GSE1: variants seen among roughly 807,000 people sequenced by gnomAD.
The protein encoded by GSE1 is Gse1 coiled-coil protein.
In GSE1, 32 loss-of-function variants were observed where a neutral mutation model predicts 112.6. The observed-to-expected ratio is 0.28, with a 90% CI of 0.21 to 0.38. The LOEUF (loss-of-function observed/expected upper bound fraction) is 0.38, where lower values mean the gene tolerates loss of function less well. Among genes scored for constraint, GSE1 ranks in the 10% least tolerant of loss-of-function variants. GSE1 has a pLI of 1.00. For synonymous variants in GSE1, 1,115 were observed against 735.6 expected, an observed-to-expected ratio of 1.52 and a Z score of -8.35; for missense variants, 2,348 against 1,699.2, an observed-to-expected ratio of 1.38 and a Z score of -6.71.
intron 1 of GSE1, among the ~76,000 whole-genome samples, chr16:85,585,485 C>T (rs775237766): frequency 6.8e-6 from 1 of 146,194 alleles, no homozygotes; most frequent in African/African-American, 2.8e-5. Flanking sequence ...TCCTCTGTGT[C>T]GCCTACGTTT....
At position 85,400,361 on chromosome 16, in the gene GSE1, G is replaced by T. The variant is rs1271379296; in HGVS notation, c.2464+42718G>T. On this transcript the variant is annotated intron_variant, in intron 2 of 2. Coordinates refer to the GSE1 transcript ENST00000637419. ...TGTGTGTCGTGTTTCTGTGTACTGT[G>T]TGTGCTTTCGTGTATGTCTGTATGT... Among the ~76,000 whole-genome samples, 3 of 151,918 alleles carry T rather than the reference G, an allele frequency of 2.0e-5. No individual in the cohort carries two copies. In the East Asian group the frequency reaches 5.8e-4, roughly 29 times the overall value.
intron 8 of GSE1, among the ~76,000 whole-genome samples, chr16:85,660,624 G>C (rs1199820417): frequency 6.6e-6 from 1 of 151,962 alleles, no homozygotes; most frequent in Admixed American, 6.6e-5. Flanking sequence ...GGGTGACAGA[G>C]TGAGTCTTTT....
chr16:85,505,714 C>T (rs999655904), intron 2 of GSE1, among the ~76,000 whole-genome samples: 3 of 152,066 alleles, frequency 2.0e-5, no homozygotes, highest in African/African-American at 7.2e-5. Flanking sequence ...ACTCTGCCTC[C>T]CTGGAATTAA....
chr16:85,664,475 T>C (rs1359162570), intron 11 of GSE1: 2 of 152,432 alleles, frequency 1.3e-5, no homozygotes, highest in African/African-American at 4.8e-5. Context: ...AAGCATCTTT[T>C]TCCCTGAATT....
intron 2 of GSE1, among the ~76,000 whole-genome samples, chr16:85,522,985 A>G (rs2052238484): frequency 1.3e-5 from 2 of 151,612 alleles, no homozygotes; most frequent in Admixed American, 6.6e-5. Context: ...ATGATTGTGC[A>G]TTGTGTATGA....
chr16:85,542,742 G>A (rs1050823412), intron 2 of GSE1, among the ~76,000 whole-genome samples: 2 of 152,238 alleles, frequency 1.3e-5, no homozygotes, highest in African/African-American at 4.8e-5. Context: ...CACCTGGTTT[G>A]TGGGTGGCCC....
At chr16:85,568,679 C>G (rs908870220) in intron 1 of GSE1, among the ~76,000 whole-genome samples, 32 of 152,314 alleles carry the variant, frequency 2.1e-4, no homozygotes, top group Admixed American at 8.5e-4. Context: ...TTGGGAAACC[C>G]TTCCCCATTC....
At chr16:85,306,882 A>G (rs1487441838) in intron 1 of GSE1, among the ~76,000 whole-genome samples, 2 of 152,254 alleles carry the variant, frequency 1.3e-5, no homozygotes, top group Admixed American at 6.5e-5. Context: ...GAACCTGTTC[A>G]TAAAAGGCGG....
intron 1 of GSE1, among the ~76,000 whole-genome samples, chr16:85,591,802 C>T (rs563554220): frequency 1.3e-5 from 2 of 152,230 alleles, no homozygotes; most frequent in Admixed American, 1.3e-4. Flanking sequence ...GCTAGGAATT[C>T]ATCACCAACA....
At chr16:85,545,779 T>A (rs558350517) in intron 2 of GSE1, among the ~76,000 whole-genome samples, 2 of 152,190 alleles carry the variant, frequency 1.3e-5, no homozygotes, top group Admixed American at 1.3e-4. Flanking sequence ...TTGGTTTGTT[T>A]GTTTGTTTGT....
chr16:85,536,454 C>A (rs756479013), intron 2 of GSE1, among the ~76,000 whole-genome samples: 2 of 152,236 alleles, frequency 1.3e-5, no homozygotes, highest in Non-Finnish European at 2.9e-5. Flanking sequence ...GTGTTCCCTG[C>A]TTGCCAGGCG....
intron 1 of GSE1, among the ~76,000 whole-genome samples, chr16:85,221,660 G>A (rs895309491): frequency 6.6e-6 from 1 of 152,168 alleles, no homozygotes; most frequent in Non-Finnish European, 1.5e-5. Flanking sequence ...GAATGGTCTC[G>A]GCCCCGGCTT....
intron 2 of GSE1, among the ~76,000 whole-genome samples, chr16:85,376,224 G>C (rs1447959690): frequency 6.6e-6 from 1 of 152,170 alleles, no homozygotes; most frequent in Non-Finnish European, 1.5e-5. Context: ...GCCGCAGAGA[G>C]GCCCAGGAAC....
At chr16:85,227,721 C>G (rs937425729) in intron 1 of GSE1, among the ~76,000 whole-genome samples, 1 of 152,140 alleles carries the variant, frequency 6.6e-6, no homozygotes, top group African/African-American at 2.4e-5. Context: ...TCAGGGCAGC[C>G]GCAGGCTCTG....
chr16:85,380,637 G>A (rs1422464734), intron 2 of GSE1, among the ~76,000 whole-genome samples: 1 of 152,076 alleles, frequency 6.6e-6, no homozygotes, highest in Non-Finnish European at 1.5e-5. Context: ...TGCATTAGAC[G>A]GTAGCTATTT....
chr16:85,642,195 C>A (rs1247569537), intron 2 of GSE1, among the ~76,000 whole-genome samples: 1 of 152,226 alleles, frequency 6.6e-6, no homozygotes, highest in Non-Finnish European at 1.5e-5. Flanking sequence ...GCCTATAGTC[C>A]CAGCTGCTCG....
Position 85,419,626 on chromosome 16 carries a change from A to G in GSE1, c.2464+61983A>G, listed in dbSNP as rs962670343. On this transcript the variant is annotated intron_variant, in intron 2 of 2. Coordinates refer to the GSE1 transcript ENST00000637419. The surrounding 1 kb of genome is among the most constrained non-coding windows in gnomAD (Gnocchi z 6.5). Reference sequence around the variant, plus strand: ...GTCTCAAAAAAAAAAAACAAAAAACAAAAAACAAAAAATAACATTATGCCA... The same window carrying G: ...GTCTCAAAAAAAAAAAACAAAAAACGAAAAACAAAAAATAACATTATGCCA... 7.2e-5 allele frequency among the ~76,000 whole-genome samples: 11 copies of G among 152,056 alleles called. No individual in the cohort carries two copies. The East Asian group carries it at 1.9e-3, about 27-fold the overall frequency.
At chr16:85,523,965 C>T (rs989785451) in intron 2 of GSE1, among the ~76,000 whole-genome samples, 3 of 152,178 alleles carry the variant, frequency 2.0e-5, no homozygotes, top group Non-Finnish European at 4.4e-5. Context: ...TGAGGAACGC[C>T]TTGGGGAGGG....
At chr16:85,348,967 C>A (rs964726906) in intron 1 of GSE1, among the ~76,000 whole-genome samples, 3 of 152,026 alleles carry the variant, frequency 2.0e-5, no homozygotes, top group Admixed American at 1.3e-4. Context: ...CCCTGCCGCT[C>A]CCCAACCCCA....
Sources: allele counts gnomAD v4.1 joint callset (sites outside exome capture counted in the v4.1 genomes callset), GRCh38; gene constraint gnomAD v4.1.1; non-coding constraint Gnocchi (gnomAD v3.1); transcripts MANE v1.5; gene names NCBI Gene and HGNC (gene_info 2026-07-23, HGNC 2026-07-21).